The following EPRS1 variants were observed in gnomAD, a reference collection of about 807,000 sequenced individuals.
EPRS1 encodes the protein bifunctional glutamate/proline--tRNA ligase.
A neutral mutation model predicts 188.3 loss-of-function variants in EPRS1; 107 were observed. That is an observed-to-expected ratio of 0.57 (90% CI 0.49 to 0.67). EPRS1 has a LOEUF of 0.67. Ranked by LOEUF, EPRS1 falls within the 30% of genes least tolerant of loss-of-function variation. The pLI, the probability that EPRS1 is intolerant of heterozygous loss-of-function variation, is 0.00. For missense variants in EPRS1, 1,577 were observed against 1,802.2 expected (o/e 0.88, Z 2.26); for synonymous variants, 596 against 593.1 (o/e 1.00, Z -0.07).
At position 219,980,159 on chromosome 1, in the gene EPRS1, T is replaced by C; in HGVS notation, c.3637A>G (p.Lys1213Glu). Residue 1213 changes from lysine to glutamate, a missense_variant, in exon 26 of 32, where the codon AAG becomes GAG. Lys to Glu is a moderately conservative substitution (Grantham distance 56). Transcript: ENST00000366923. Reference sequence around the variant, plus strand: ...TAGTCTCCTCCTGCAAATTTTTCCTTTTCCGTCTTTCTTCCTTTAACAACA... The same window carrying C: ...TAGTCTCCTCCTGCAAATTTTTCCTCTTCCGTCTTTCTTCCTTTAACAACA... The part of the protein sequence containing the change: ...IPVVKGRKTE[K>E]EKFAGGDYTT... 1 of 1,613,870 alleles carries C rather than the reference T, an allele frequency of 6.2e-7. No homozygotes were observed. Among genetic ancestry groups the C allele is most frequent in the Non-Finnish European group, 8.5e-7 (1 of 1,179,840 alleles).
chr1:220,003,391 A>C (rs2102578368), intron 16 of EPRS1, among the ~76,000 whole-genome samples: 1 of 152,302 alleles, frequency 6.6e-6, no homozygotes, highest in Admixed American at 6.5e-5. Flanking sequence ...TCTTTGAAAC[A>C]CAATATATGT....
chr1:220,006,187 A>G lies in EPRS1; in HGVS notation c.1869T>C (p.Cys623=), dbSNP rs1661481676. The G allele has an allele frequency of 1.2e-6, 2 of 1,605,958 alleles. No individual in the cohort carries two copies. Among genetic ancestry groups the G allele is most frequent in the Admixed American group, 1.7e-5 (1 of 59,322 alleles). Residue 623 remains cysteine (C), a synonymous_variant, in exon 15 of 32, where the codon TGT becomes TGC. Transcript: ENST00000366923. ...TTGTGATCAAGTGCTCATAAGTGAC[A>G]CAGATTACTGGAATAGGAAGAGCAT... ...TTHALPIPVI[C]VTYEHLITKP...
chr1:220,032,357 T>C (rs1437339117), intron 5 of EPRS1, 30 bp downstream of exon 5: 3 of 1,565,558 alleles, frequency 1.9e-6, no homozygotes, highest in Non-Finnish European at 2.6e-6. Flanking sequence ...AAGTGTTTTT[T>C]TTTTTAAAAA....
intron 12 of EPRS1, among the ~76,000 whole-genome samples, chr1:220,012,202 T>C (rs12073836): frequency 0.065 from 9,391 of 144,986 alleles, 904 homozygotes; most frequent in African/African-American, 0.22. Flanking sequence ...ACCAGCCTTT[T>C]TCAAGTTTAC....
At chr1:219,988,511 G>A (rs1282141849) in intron 19 of EPRS1, 79 bp downstream of exon 19, 1 of 896,264 alleles carries the variant, frequency 1.1e-6, no homozygotes, top group African/African-American at 1.7e-5. Flanking sequence ...CAGATTTGAT[G>A]GGGCACAAAA....
At chr1:219,990,726 A>G (rs957937994) in intron 18 of EPRS1, among the ~76,000 whole-genome samples, 1 of 152,184 alleles carries the variant, frequency 6.6e-6, no homozygotes, top group African/African-American at 2.4e-5. Context: ...ATTACTTTGA[A>G]TTTATCTCTT....
At chr1:219,969,661 A>G (rs1192882380) in intron 30 of EPRS1, among the ~76,000 whole-genome samples, 1 of 151,904 alleles carries the variant, frequency 6.6e-6, no homozygotes, top group Non-Finnish European at 1.5e-5. Flanking sequence ...AGGAAAAAAA[A>G]AAAAACCTTT....
chr1:219,981,788 T>C (rs1003687139), intron 23 of EPRS1, among the ~76,000 whole-genome samples: 7 of 152,248 alleles, frequency 4.6e-5, no homozygotes, highest in Admixed American at 4.6e-4. Flanking sequence ...TCATGTTCTA[T>C]GTTAAGTTCT....
At chr1:220,031,601 A>T (rs921754124) in intron 5 of EPRS1, among the ~76,000 whole-genome samples, 3 of 152,212 alleles carry the variant, frequency 2.0e-5, no homozygotes, top group African/African-American at 7.2e-5. Context: ...GTAGTTTTCA[A>T]ATTTTACATT....
intron 9 of EPRS1, among the ~76,000 whole-genome samples, chr1:220,021,035 G>A (rs1661869927): frequency 6.6e-6 from 1 of 151,338 alleles, no homozygotes; most frequent in African/African-American, 2.4e-5. Flanking sequence ...GCGCCACCAT[G>A]CCCCGCTAAT....
Position 219,983,417 on chromosome 1 carries a change from G to C in EPRS1, c.3091-19C>G. The C allele has an allele frequency of 6.3e-7, 1 of 1,581,630 alleles. No homozygotes were observed. The highest frequency in any genetic ancestry group is 8.6e-7 in the Non-Finnish European group (1 of 1,156,282). ...TGATGACCTTTTTAAAAGAAAAATA[G>C]TCTTTAAAGCTTACATTGAACCAAA... On this transcript the variant is annotated intron_variant, in intron 21 of 31. Coordinates refer to ENST00000366923, the MANE Select transcript of EPRS1 (RefSeq NM_004446.3).
intron 8 of EPRS1, 126 bp downstream of exon 8, chr1:220,024,138 C>A: frequency 1.5e-6 from 1 of 661,962 alleles, no homozygotes; most frequent in South Asian, 2.3e-5. Flanking sequence ...GGCAACAGAG[C>A]GAGACTCCTT....
At chr1:220,039,723 T>C (rs571359396) in intron 2 of EPRS1, among the ~76,000 whole-genome samples, 1 of 152,286 alleles carries the variant, frequency 6.6e-6, no homozygotes, top group African/African-American at 2.4e-5. Context: ...TTTCACTGTG[T>C]TACCCAGGAT....
intron 15 of EPRS1, among the ~76,000 whole-genome samples, chr1:220,005,703 G>A (rs2102579841): frequency 6.6e-6 from 1 of 152,198 alleles, no homozygotes; most frequent in East Asian, 1.9e-4. Flanking sequence ...GCTTAAATAC[G>A]AGGGTCAGAT....
At chr1:220,027,220 C>T (rs528594937) in intron 6 of EPRS1, among the ~76,000 whole-genome samples, 4 of 151,906 alleles carry the variant, frequency 2.6e-5, no homozygotes, top group Admixed American at 2.6e-4. Flanking sequence ...GTCAGGAGAT[C>T]AAGACCATCC....
intron 1 of EPRS1, among the ~76,000 whole-genome samples, chr1:220,041,973 C>G (rs1662302798): frequency 6.6e-6 from 1 of 151,990 alleles, no homozygotes; most frequent in Admixed American, 6.6e-5. Context: ...AAGGAGTACT[C>G]AAAGATAGAG....
chr1:219,982,670 A>G, intron 23 of EPRS1, 102 bp downstream of exon 23: 1 of 853,828 alleles, frequency 1.2e-6, no homozygotes, highest in Non-Finnish European at 1.9e-6. Flanking sequence ...TATATCGTCA[A>G]CAGAGATTAT....
intron 14 of EPRS1, among the ~76,000 whole-genome samples, chr1:220,006,682 T>A (rs1479391177): frequency 1.3e-5 from 2 of 152,152 alleles, no homozygotes; most frequent in African/African-American, 4.8e-5. Context: ...TTACTTGCAA[T>A]CATATGTAAT....
chr1:219,974,359 G>A (rs1385022161), intron 28 of EPRS1, among the ~76,000 whole-genome samples: 4 of 152,188 alleles, frequency 2.6e-5, no homozygotes, highest in African/African-American at 7.2e-5. Flanking sequence ...CTTAAGGACA[G>A]ACTATATGCA....
Sources: allele counts gnomAD v4.1 joint callset (sites outside exome capture counted in the v4.1 genomes callset), GRCh38; gene constraint gnomAD v4.1.1; transcripts MANE v1.5; gene names NCBI Gene and HGNC (gene_info 2026-07-23, HGNC 2026-07-21).